CNTNAP2: variants seen among roughly 807,000 people sequenced by gnomAD.
The protein encoded by CNTNAP2 is contactin-associated protein-like 2.
Under a neutral mutation model 155.2 loss-of-function variants are expected in CNTNAP2, and 98 were observed. The observed-to-expected ratio is 0.63, with a 90% CI of 0.54 to 0.75. The LOEUF (loss-of-function observed/expected upper bound fraction) is 0.75, where lower values mean the gene tolerates loss of function less well. CNTNAP2 is among the 30% of genes least tolerant of loss of function. The pLI is 0.00. For synonymous variants in CNTNAP2, 651 were observed against 631.2 expected (o/e 1.03, Z -0.47); for missense variants, 1,727 against 1,688.1 (o/e 1.02, Z -0.40).
chr7:146,248,827 G>A (rs1056733586), intron 1 of CNTNAP2, among the ~76,000 whole-genome samples: 1 of 152,158 alleles, frequency 6.6e-6, no homozygotes, highest in Non-Finnish European at 1.5e-5. Context: ...ATGCGCCTCC[G>A]TGTGAAGAGA....
chr7:146,423,947 C>T (rs1526153), intron 1 of CNTNAP2, among the ~76,000 whole-genome samples: 5,420 of 152,074 alleles, frequency 0.036, 344 homozygotes, highest in African/African-American at 0.12. Context: ...TTGTCATAGG[C>T]GTGCTGGAGA....
At position 147,903,694 on chromosome 7, in the gene CNTNAP2, G is replaced by A; in HGVS notation, c.2228G>A (p.Cys743Tyr). 1.2e-6 allele frequency: 2 copies of A among 1,613,996 alleles called. No individual in the cohort carries two copies. Among genetic ancestry groups the A allele is most frequent in the Non-Finnish European group, 1.7e-6 (2 of 1,179,958 alleles). Residue 743 changes from cysteine to tyrosine, a missense_variant, in exon 14 of 24, where the codon TGT becomes TAT. Coordinates refer to ENST00000361727, the MANE Select transcript of CNTNAP2 (RefSeq NM_014141.6). ...AACTGCACAGATCCCAAGTACTACT[G>A]TAACTGCGACGCGGACTACAAGCAA... ...ERNCTDPKYY[C>Y]NCDADYKQWR... is the part of the protein sequence containing the mutation.
At position 147,001,562 on chromosome 7, in the gene CNTNAP2, T is replaced by A. The variant is rs187798370; in HGVS notation, c.403-42345T>A. ...GCTGGGCATTTTCTTCTTCATTTTT[T>A]AAATTCTGTACGTCTTTCCAACACA... On this transcript the variant is annotated intron_variant, in intron 3 of 23. Coordinates refer to ENST00000361727, the MANE Select transcript of CNTNAP2 (RefSeq NM_014141.6). Among the ~76,000 whole-genome samples the A allele has an allele frequency of 1.5e-3, 234 of 152,184 alleles. 1 individual carries two copies. The highest frequency in any genetic ancestry group is 0.01 in the Middle Eastern group (3 of 294).
intron 10 of CNTNAP2, among the ~76,000 whole-genome samples, chr7:147,468,704 T>G (rs562988035): frequency 6.6e-6 from 1 of 152,342 alleles, no homozygotes; most frequent in African/African-American, 2.4e-5. Flanking sequence ...GCCTGAGACA[T>G]TCTCTGTTTC....
chr7:146,353,986 G>A (rs140977646), intron 1 of CNTNAP2, among the ~76,000 whole-genome samples: 179 of 152,112 alleles, frequency 1.2e-3, no homozygotes, highest in African/African-American at 4.1e-3. Context: ...ATTAACGTTA[G>A]CTAAGTCACC....
intron 9 of CNTNAP2, among the ~76,000 whole-genome samples, chr7:147,356,311 C>T (rs1563172918): frequency 6.6e-6 from 1 of 152,018 alleles, no homozygotes; most frequent in Non-Finnish European, 1.5e-5. Flanking sequence ...TTATGACAAA[C>T]CCACAGCCAA....
chr7:147,680,562 C>T (rs959071074), intron 13 of CNTNAP2, among the ~76,000 whole-genome samples: 5 of 151,896 alleles, frequency 3.3e-5, no homozygotes, highest in South Asian at 4.2e-4. Flanking sequence ...AGTGTACACC[C>T]GGAGTAGATT....
chr7:147,096,233 C>T (rs1800529305), intron 4 of CNTNAP2, among the ~76,000 whole-genome samples: 1 of 152,116 alleles, frequency 6.6e-6, no homozygotes, highest in South Asian at 2.1e-4. Flanking sequence ...TAAATGTGGG[C>T]CAGTAGCTAG....
Position 146,745,499 on chromosome 7 carries a change from C to T in CNTNAP2, c.98-28772C>T, listed in dbSNP as rs949221577. Reference sequence around the variant, plus strand: ...TTGCCATCTTAAAAGTCTGTTAAGGCGGCTGGGCGCGGTAATCCCAGCACT... The same window carrying T: ...TTGCCATCTTAAAAGTCTGTTAAGGTGGCTGGGCGCGGTAATCCCAGCACT... On this transcript the variant is annotated intron_variant, in intron 1 of 23. Coordinates refer to ENST00000361727, the MANE Select transcript of CNTNAP2 (RefSeq NM_014141.6). Among the ~76,000 whole-genome samples, 11 of 151,856 alleles carry T rather than the reference C, an allele frequency of 7.2e-5. 1 individual carries two copies. Among genetic ancestry groups the T allele is most frequent in the East Asian group, 3.9e-4 (2 of 5,158 alleles).
At chr7:146,682,914 A>G (rs919339494) in intron 1 of CNTNAP2, among the ~76,000 whole-genome samples, 2 of 152,218 alleles carry the variant, frequency 1.3e-5, no homozygotes, top group African/African-American at 4.8e-5. Context: ...ATAGGTGGGC[A>G]TTATCGTCTC....
chr7:147,073,787 T>C (rs551219976), intron 4 of CNTNAP2, among the ~76,000 whole-genome samples: 51 of 152,104 alleles, frequency 3.4e-4, no homozygotes, highest in Admixed American at 7.2e-4. Context: ...TCCAGGAAAT[T>C]AGTAAAATTG....
chr7:148,321,153 A>C (rs1227583280), intron 21 of CNTNAP2, among the ~76,000 whole-genome samples: 1 of 152,216 alleles, frequency 6.6e-6, no homozygotes, highest in African/African-American at 2.4e-5. Flanking sequence ...GCCACGAAGA[A>C]CCAGGTTAAG....
chr7:147,610,852 C>T (rs1050672047), intron 12 of CNTNAP2, among the ~76,000 whole-genome samples: 4 of 152,144 alleles, frequency 2.6e-5, no homozygotes, highest in Admixed American at 6.5e-5. Context: ...GATTCTCCCA[C>T]CTCAGCCTCC....
intron 13 of CNTNAP2, among the ~76,000 whole-genome samples, chr7:147,687,379 T>C (rs1017142271): frequency 1.3e-5 from 2 of 152,138 alleles, no homozygotes; most frequent in Non-Finnish European, 2.9e-5. Context: ...TCTGTGAATA[T>C]TGTGATGAAG....
intron 1 of CNTNAP2, among the ~76,000 whole-genome samples, chr7:146,162,682 A>T (rs1181556032): frequency 5.3e-5 from 8 of 152,238 alleles, no homozygotes; most frequent in Non-Finnish European, 1.2e-4. Flanking sequence ...ATTATAAATC[A>T]TGCTGCTATA....
chr7:146,595,384 A>T (rs1290017243), intron 1 of CNTNAP2, among the ~76,000 whole-genome samples: 1 of 152,088 alleles, frequency 6.6e-6, no homozygotes, highest in Non-Finnish European at 1.5e-5. Flanking sequence ...TGGGAAAAAT[A>T]TATAATAGTA....
intron 1 of CNTNAP2, among the ~76,000 whole-genome samples, chr7:146,286,581 T>C (rs534909052): frequency 6.6e-6 from 1 of 152,252 alleles, no homozygotes; most frequent in Non-Finnish European, 1.5e-5. Context: ...AAAAATGTGA[T>C]TTTGCCACTC....
intron 8 of CNTNAP2, among the ~76,000 whole-genome samples, chr7:147,269,175 G>C (rs898826888): frequency 6.6e-6 from 1 of 152,150 alleles, no homozygotes; most frequent in Non-Finnish European, 1.5e-5. Context: ...TTTGGTCCTT[G>C]AGGATTGATA....
At chr7:146,609,138 T>C (rs1799094351) in intron 1 of CNTNAP2, among the ~76,000 whole-genome samples, 1 of 152,158 alleles carries the variant, frequency 6.6e-6, no homozygotes, top group Non-Finnish European at 1.5e-5. Context: ...TGACCCAAGT[T>C]TCTTCACATT....
Sources: gnomAD v4.1 joint callset for allele counts (sites outside exome capture counted in the v4.1 genomes callset) on GRCh38, gnomAD v4.1.1 for gene constraint, MANE v1.5 for transcripts, NCBI Gene and HGNC (gene_info 2026-07-23, HGNC 2026-07-21) for gene names.